ERBB4: variants seen among roughly 807,000 people sequenced by gnomAD.
ERBB4 encodes erb-b2 receptor tyrosine kinase 4.
A neutral mutation model predicts 158.0 loss-of-function variants in ERBB4; 42 were observed. The observed-to-expected ratio is 0.27, with a 90% CI of 0.21 to 0.34. ERBB4 has a LOEUF of 0.34. Ranked by LOEUF, ERBB4 falls within the 10% of genes least tolerant of loss-of-function variation. The pLI is 1.00. For synonymous variants in ERBB4, 583 were observed against 558.7 expected (o/e 1.04, Z -0.61); for missense variants, 1,333 against 1,624.1 (o/e 0.82, Z 3.08).
At chr2:211,951,847 C>A (rs1194367434) in intron 2 of ERBB4, among the ~76,000 whole-genome samples, 1 of 152,066 alleles carries the variant, frequency 6.6e-6, no homozygotes, top group African/African-American at 2.4e-5. Flanking sequence ...CTCTGGACAT[C>A]ATTCCATGTT....
At chr2:211,828,938 C>G (rs2077161864) in intron 3 of ERBB4, among the ~76,000 whole-genome samples, 1 of 152,096 alleles carries the variant, frequency 6.6e-6, no homozygotes, top group African/African-American at 2.4e-5. Flanking sequence ...TCAATTTTGC[C>G]TATTCAGGAA....
chr2:212,024,727 G>T (rs1521538), intron 2 of ERBB4, among the ~76,000 whole-genome samples: 9,211 of 151,844 alleles, frequency 0.061, 293 homozygotes, highest in South Asian at 0.11. Context: ...CATATTCAAC[G>T]ACATAAAAAG....
intron 5 of ERBB4, among the ~76,000 whole-genome samples, chr2:211,737,006 T>C (rs753719544): frequency 1.4e-4 from 22 of 152,152 alleles, no homozygotes; most frequent in Non-Finnish European, 2.2e-4. Flanking sequence ...ATAAAGAGGG[T>C]ATTACTTATT....
At chr2:211,615,299 CT>C (rs1476119786) in intron 19 of ERBB4, among the ~76,000 whole-genome samples, 2 of 151,388 alleles carry the variant, frequency 1.3e-5, no homozygotes, top group Non-Finnish European at 2.9e-5. Flanking sequence ...AGCATCATTT[CT>C]TATGTATGTG....
rs536128092 is a variant in ERBB4, at chr2:211,444,265, T to C, written c.2488-13165A>G. Reference sequence around the variant, plus strand: ...AAAAAAATCACTAAAGAGACTAAAATTGGCTTATCTTTAGCCTCCACTGGA... The same window carrying C: ...AAAAAAATCACTAAAGAGACTAAAACTGGCTTATCTTTAGCCTCCACTGGA... On this transcript the variant is annotated intron_variant, in intron 20 of 27. Transcript: ENST00000342788. Among the ~76,000 whole-genome samples the C allele has an allele frequency of 2.6e-5, 4 of 152,154 alleles. No homozygotes were observed. The South Asian group carries it at 8.3e-4, about 32-fold the overall frequency.
chr2:212,405,703 C>T (rs1394796), intron 1 of ERBB4, among the ~76,000 whole-genome samples: 40,535 of 151,956 alleles, frequency 0.27, 5,609 homozygotes, highest in African/African-American at 0.29. Context: ...TTCAAAGTTA[C>T]GAACATACTT....
chr2:212,280,339 C>T (rs973303196), intron 1 of ERBB4, among the ~76,000 whole-genome samples: 1 of 151,454 alleles, frequency 6.6e-6, no homozygotes, highest in Non-Finnish European at 1.5e-5. Flanking sequence ...CTGTCAATGC[C>T]TTGGGTCTGG....
chr2:211,842,725 T>C (rs182174620), intron 3 of ERBB4, among the ~76,000 whole-genome samples: 30 of 152,148 alleles, frequency 2.0e-4, no homozygotes, highest in Non-Finnish European at 3.2e-4. Context: ...ATTCAAGATT[T>C]AATTCTCTAT....
At chr2:211,619,486 T>C (rs745321250) in intron 18 of ERBB4, among the ~76,000 whole-genome samples, 1 of 152,134 alleles carries the variant, frequency 6.6e-6, no homozygotes, top group Non-Finnish European at 1.5e-5. Flanking sequence ...ATATAGAATA[T>C]ATATCCTTTC....
chr2:212,111,453 G>A (rs1234919738), intron 2 of ERBB4, among the ~76,000 whole-genome samples: 5 of 152,090 alleles, frequency 3.3e-5, no homozygotes, highest in Non-Finnish European at 7.4e-5. Context: ...TTGGTCTTCC[G>A]TTTTCAGCCT....
chr2:211,609,123 G>A (rs1217909533), intron 19 of ERBB4, among the ~76,000 whole-genome samples: 1 of 152,002 alleles, frequency 6.6e-6, no homozygotes, highest in Admixed American at 6.6e-5. Context: ...CTGTCGCTCA[G>A]TCCCATTTTC....
At chr2:211,769,871 C>T (rs1438707891) in intron 4 of ERBB4, among the ~76,000 whole-genome samples, 1 of 152,136 alleles carries the variant, frequency 6.6e-6, no homozygotes, top group Admixed American at 6.5e-5. Flanking sequence ...TAGATGGTGC[C>T]CACCCATATT....
intron 1 of ERBB4, among the ~76,000 whole-genome samples, chr2:212,353,329 T>C (rs191687215): frequency 8.6e-4 from 130 of 150,854 alleles, no homozygotes; most frequent in Middle Eastern, 3.5e-3. Flanking sequence ...ATGTATATAA[T>C]ATATGCAAAT....
intron 3 of ERBB4, among the ~76,000 whole-genome samples, chr2:211,819,631 A>G (rs2076950833): frequency 6.6e-6 from 1 of 152,038 alleles, no homozygotes; most frequent in Non-Finnish European, 1.5e-5. Flanking sequence ...AGGCAGGGGC[A>G]CTTTCACAAA....
At chr2:211,755,406 G>A (rs2075267932) in intron 4 of ERBB4, among the ~76,000 whole-genome samples, 1 of 152,186 alleles carries the variant, frequency 6.6e-6, no homozygotes, top group Non-Finnish European at 1.5e-5. Flanking sequence ...GGAGGTTGAG[G>A]TGGGAGGATC....
rs570099533 is a variant in ERBB4, at chr2:211,897,215, C to T, written c.421+50215G>A. Reference sequence around the variant, plus strand: ...CTATAGTCTTACATACATACACCCACGCATGCAACTGTTTTCATCAAAATG... The same window carrying T: ...CTATAGTCTTACATACATACACCCATGCATGCAACTGTTTTCATCAAAATG... On this transcript the variant is annotated intron_variant, in intron 3 of 27. Transcript: ENST00000342788. Among the ~76,000 whole-genome samples, 15 of 151,758 alleles carry T rather than the reference C, an allele frequency of 9.9e-5. No homozygotes were observed. The East Asian group carries it at 1.4e-3, about 14-fold the overall frequency.
intron 25 of ERBB4, among the ~76,000 whole-genome samples, chr2:211,418,816 T>TC (rs2125399633): frequency 6.6e-6 from 1 of 152,162 alleles, no homozygotes; most frequent in South Asian, 2.1e-4. Flanking sequence ...ACCGCTTTCT[T>TC]CCCCTCTCAC....
Position 212,529,557 on chromosome 2 carries a change from C to A in ERBB4, c.82+8892G>T, listed in dbSNP as rs187742128. ...TGTTATTCAAACAGCTTACTTTGTG[C>A]ACTATATGGTTTAATTACAAATAAT... On this transcript the variant is annotated intron_variant, in intron 1 of 27. Coordinates refer to ENST00000342788, the MANE Select transcript of ERBB4 (RefSeq NM_005235.3). Among the ~76,000 whole-genome samples, 472 of 152,216 alleles carry A rather than the reference C, an allele frequency of 3.1e-3. 3 individuals carry two copies. Among genetic ancestry groups the A allele is most frequent in the African/African-American group, 0.011 (455 of 41,556 alleles).
intron 3 of ERBB4, among the ~76,000 whole-genome samples, chr2:211,896,520 A>T (rs1317235014): frequency 6.6e-6 from 1 of 152,086 alleles, no homozygotes; most frequent in Non-Finnish European, 1.5e-5. Context: ...TTATTACTAT[A>T]GTAGGTTTCT....
Sources: gnomAD v4.1 joint callset for allele counts (sites outside exome capture counted in the v4.1 genomes callset) on GRCh38, gnomAD v4.1.1 for gene constraint, MANE v1.5 for transcripts, NCBI Gene and HGNC (gene_info 2026-07-23, HGNC 2026-07-21) for gene names.